Variants in AVEN observed in about 807,000 individuals in gnomAD.
AVEN encodes apoptosis and caspase activation inhibitor, also known as cell death regulator Aven.
In AVEN, 41 loss-of-function variants were observed where a neutral mutation model predicts 38.1. That is an observed-to-expected ratio of 1.08 (90% CI 0.84 to 1.40). AVEN has a LOEUF of 1.40. Among genes scored for constraint, AVEN ranks in the 40% most tolerant of loss-of-function variants. The pLI is 0.00. For synonymous variants in AVEN, 206 were observed against 171.8 expected, an observed-to-expected ratio of 1.20 and a Z score of -1.56; for missense variants, 605 against 438.8, an observed-to-expected ratio of 1.38 and a Z score of -3.38.
chr15:33,864,407 A>G (rs568500871), downstream of AVEN, among the ~76,000 whole-genome samples: 6 of 152,248 alleles, frequency 3.9e-5, no homozygotes, highest in African/African-American at 1.4e-4. Context: ...CTACTGCTTC[A>G]GACTAGAAGA....
At chr15:33,928,590 A>T (rs1336723634) in intron 2 of AVEN, among the ~76,000 whole-genome samples, 3 of 152,156 alleles carry the variant, frequency 2.0e-5, no homozygotes, top group Non-Finnish European at 4.4e-5. Context: ...TGAATGGGGG[A>T]GGCAGAGGAG....
intron 1 of AVEN, among the ~76,000 whole-genome samples, chr15:34,032,209 A>G (rs916126039): frequency 5.9e-5 from 9 of 152,162 alleles, no homozygotes; most frequent in Non-Finnish European, 8.8e-5. Context: ...AATAGAAAAC[A>G]CCTTTGCAAC....
At chr15:34,009,641 G>A (rs954616417) in intron 1 of AVEN, among the ~76,000 whole-genome samples, 5 of 151,990 alleles carry the variant, frequency 3.3e-5, no homozygotes, top group African/African-American at 1.2e-4. Flanking sequence ...AACAAAAATC[G>A]TTATAAAGAC....
intron 2 of AVEN, among the ~76,000 whole-genome samples, chr15:33,994,722 A>T (rs1021710806): frequency 6.6e-6 from 1 of 152,230 alleles, no homozygotes; most frequent in Non-Finnish European, 1.5e-5. Context: ...GTCTTCAAAA[A>T]TTCACTGTTA....
upstream of AVEN, among the ~76,000 whole-genome samples, chr15:34,039,409 C>A (rs1477111646): frequency 2.5e-4 from 2 of 8,072 alleles, no homozygotes; most frequent in African/African-American, 3.2e-4. Context: ...TGTGAACTCT[C>A]GGAAAAAAAA....
upstream of AVEN, among the ~76,000 whole-genome samples, chr15:34,043,560 C>G (rs1216723321): frequency 1.3e-5 from 2 of 152,148 alleles, no homozygotes; most frequent in Non-Finnish European, 2.9e-5. Context: ...GGGAGAGACT[C>G]TGGCATGAGC....
chr15:33,876,764 C>A (rs1376017044), intron 2 of AVEN, among the ~76,000 whole-genome samples: 1 of 152,148 alleles, frequency 6.6e-6, no homozygotes, highest in Admixed American at 6.5e-5. Flanking sequence ...GGTGTGTGTA[C>A]TTACTTTATA....
At chr15:33,869,622 T>G (rs1205161635) in intron 4 of AVEN, among the ~76,000 whole-genome samples, 2 of 152,194 alleles carry the variant, frequency 1.3e-5, no homozygotes, top group Non-Finnish European at 2.9e-5. Context: ...TTCTTTCTAG[T>G]TCTCTACCCT....
rs1019177095 is a variant in AVEN, at chr15:33,986,948, C to T, written c.445+16084G>A. On this transcript the variant is annotated intron_variant, in intron 2 of 5. Transcript: ENST00000306730. Reference sequence around the variant, plus strand: ...CTGGGATTACAGGCATGAGCCACCGCGCCCAGCCCAGGTTCTTTTCAAGTG... The same window carrying T: ...CTGGGATTACAGGCATGAGCCACCGTGCCCAGCCCAGGTTCTTTTCAAGTG... Among the ~76,000 whole-genome samples, 6 of 152,176 alleles carry T rather than the reference C, an allele frequency of 3.9e-5. No homozygotes were observed. In the East Asian group the frequency reaches 5.8e-4, roughly 15 times the overall value.
intron 5 of AVEN, among the ~76,000 whole-genome samples, chr15:34,047,239 T>C (rs617708): frequency 0.96 from 146,322 of 151,912 alleles, 70,694 homozygotes; most frequent in East Asian, 1. Flanking sequence ...CACCATGCCC[T>C]GCTAACTTTT....
At chr15:33,877,327 G>A (rs1001904717) in intron 2 of AVEN, among the ~76,000 whole-genome samples, 4 of 152,168 alleles carry the variant, frequency 2.6e-5, no homozygotes, top group Non-Finnish European at 4.4e-5. Context: ...CAACCAATGC[G>A]ATTAGAAAAG....
Position 33,866,725 on chromosome 15 carries a change from C to T in AVEN, c.977G>A (p.Cys326Tyr), listed in dbSNP as rs756529023. 19 of 1,610,578 alleles carry T rather than the reference C, an allele frequency of 1.2e-5. No homozygotes were observed. The highest frequency in any genetic ancestry group is 5.9e-6 in the Non-Finnish European group (7 of 1,177,136). ...TTCTTCAGTCACAGATGGTTTTGCA[C>T]AAACTGGGGGAAAAAAAACAATGTT... The part of the protein sequence containing the change: ...DGEVVQEEEV[C>Y]AKPSVTEEKN... Residue 326 changes from cysteine to tyrosine, a missense_variant, in exon 6 of 6, where the codon TGT becomes TAT. Transcript: ENST00000306730.
intron 1 of AVEN, among the ~76,000 whole-genome samples, chr15:34,030,103 A>T: frequency 6.6e-6 from 1 of 151,886 alleles, no homozygotes; most frequent in South Asian, 2.1e-4. Flanking sequence ...AAAATACAAA[A>T]ATTAGCCAGG....
At chr15:34,006,310 C>CA (rs796228574) in intron 1 of AVEN, among the ~76,000 whole-genome samples, 39,881 of 121,020 alleles carry the variant, frequency 0.33, 5,553 homozygotes, top group Middle Eastern at 0.48. Context: ...GACTCCGTCT[C>CA]AAAAAAAAAA....
chr15:33,923,920 G>A (rs931533418), intron 2 of AVEN, among the ~76,000 whole-genome samples: 2 of 151,096 alleles, frequency 1.3e-5, no homozygotes, highest in African/African-American at 4.9e-5. Context: ...TCACCCCCAG[G>A]TGTGACTATC....
At chr15:34,027,464 G>A (rs1898536406) in intron 1 of AVEN, among the ~76,000 whole-genome samples, 3 of 151,868 alleles carry the variant, frequency 2.0e-5, no homozygotes, top group South Asian at 4.2e-4. Flanking sequence ...GGAAGGCAGA[G>A]GTTGCAGTGA....
intron 2 of AVEN, among the ~76,000 whole-genome samples, chr15:33,961,608 TC>T (rs1440643494): frequency 1.3e-5 from 2 of 151,446 alleles, no homozygotes; most frequent in Non-Finnish European, 2.9e-5. Context: ...GGTCAGGAGA[TC>T]GAGACCATTC....
intron 2 of AVEN, among the ~76,000 whole-genome samples, chr15:33,881,852 T>C (rs1400627341): frequency 6.6e-6 from 1 of 152,172 alleles, no homozygotes; most frequent in Non-Finnish European, 1.5e-5. Context: ...TCTCACATAC[T>C]AAACACATGG....
chr15:33,896,177 G>A (rs926024140), intron 2 of AVEN, among the ~76,000 whole-genome samples: 2 of 152,088 alleles, frequency 1.3e-5, no homozygotes, highest in African/African-American at 2.4e-5. Context: ...CACTCAACAA[G>A]GTAAAAGCAA....
Sources: gnomAD v4.1 joint callset for allele counts (sites outside exome capture counted in the v4.1 genomes callset) on GRCh38, gnomAD v4.1.1 for gene constraint, MANE v1.5 for transcripts, NCBI Gene and HGNC (gene_info 2026-07-23, HGNC 2026-07-21) for gene names.